Variants in ANKRD30B observed in about 807,000 individuals in gnomAD.
ANKRD30B encodes the protein ankyrin repeat domain-containing protein 30B.
In ANKRD30B, 144 loss-of-function variants were observed where a neutral mutation model predicts 202.2. The observed-to-expected ratio is 0.71, with a 90% confidence interval of 0.62 to 0.82. ANKRD30B has a LOEUF of 0.82. ANKRD30B is among the 40% of genes least tolerant of loss of function. The pLI is 0.00. For synonymous variants in ANKRD30B, 508 were observed against 561.3 expected, an observed-to-expected ratio of 0.91 and a Z score of 1.34; for missense variants, 1,487 against 1,669.1, an observed-to-expected ratio of 0.89 and a Z score of 1.90.
chr18:14,755,026 T>TA (rs1420297838), intron 4 of ANKRD30B, 21 bp downstream of exon 4: 1 of 1,346,728 alleles, frequency 7.4e-7, no homozygotes, highest in African/African-American at 1.5e-5. Flanking sequence ...TCTTTTTTTT[T>TA]ACTAAAAAAC....
At chr18:14,757,677 G>T in intron 4 of ANKRD30B, 138 bp from the exon 5 acceptor site, 2 of 907,028 alleles carry the variant, frequency 2.2e-6, no homozygotes, top group Non-Finnish European at 3.1e-6. Flanking sequence ...TTTTAGATTT[G>T]GTGGTGATTT....
chr18:14,837,043 A>G, intron 34 of ANKRD30B, 168 bp from the exon 35 acceptor site: 1 of 500,506 alleles, frequency 2.0e-6, no homozygotes, highest in East Asian at 3.1e-5. Context: ...TTCCATGTAT[A>G]TTTTCTGCTT....
chr18:14,755,356 G>A (rs1313947844), intron 4 of ANKRD30B, among the ~76,000 whole-genome samples: 2 of 151,608 alleles, frequency 1.3e-5, no homozygotes, highest in African/African-American at 4.9e-5. Flanking sequence ...CAGTTTTATA[G>A]TATTTTTCTA....
the ANKRD30B span, among the ~76,000 whole-genome samples, chr18:14,870,796 G>A: frequency 1.3e-5 from 2 of 152,068 alleles, no homozygotes; most frequent in Non-Finnish European, 2.9e-5. Flanking sequence ...CTAAGGCAGA[G>A]GTTTCCCTTG....
downstream of ANKRD30B, among the ~76,000 whole-genome samples, chr18:14,859,141 A>C (rs1461763335): frequency 1.4e-5 from 1 of 70,142 alleles, no homozygotes. Flanking sequence ...AGACGGGGAG[A>C]CCAGGAAGAG....
chr18:14,751,196 C>T (rs1913388749), intron 1 of ANKRD30B, among the ~76,000 whole-genome samples: 5 of 151,838 alleles, frequency 3.3e-5, no homozygotes, highest in Admixed American at 3.3e-4. Context: ...ATGTCAATAA[C>T]TATAGATTAA....
At chr18:14,924,392 C>T in the ANKRD30B span, among the ~76,000 whole-genome samples, 1 of 152,180 alleles carries the variant, frequency 6.6e-6, no homozygotes, top group Admixed American at 6.5e-5. Flanking sequence ...ACTTATGGGG[C>T]ATTTTTACAT....
chr18:14,894,467 T>C, the ANKRD30B span, among the ~76,000 whole-genome samples: 147,278 of 152,032 alleles, frequency 0.97, 71,527 homozygotes, highest in East Asian at 1. Flanking sequence ...TTCCTGAAAC[T>C]GTTAAAGCTT....
the ANKRD30B span, among the ~76,000 whole-genome samples, chr18:14,884,970 G>C: frequency 6.6e-6 from 1 of 152,036 alleles, no homozygotes; most frequent in Non-Finnish European, 1.5e-5. Flanking sequence ...TGCTCAAATA[G>C]TTACACATGA....
chr18:14,786,071 A>G (rs1011236685), intron 14 of ANKRD30B, among the ~76,000 whole-genome samples: 2 of 135,092 alleles, frequency 1.5e-5, no homozygotes, highest in African/African-American at 2.7e-5. Context: ...AAAAAAAAAA[A>G]CAGGTAGAGA....
chr18:14,874,681 C>T, the ANKRD30B span, among the ~76,000 whole-genome samples: 3 of 152,142 alleles, frequency 2.0e-5, no homozygotes, highest in African/African-American at 2.4e-5. Flanking sequence ...GCCACCCTCC[C>T]GAAGTTGTGG....
rs1247835835 is a variant in ANKRD30B, at chr18:14,808,725, C to A, written c.2367C>A (p.Asp789Glu). The A allele has an allele frequency of 1.3e-6, 2 of 1,498,462 alleles. No individual in the cohort carries two copies. 92.8% of individuals were successfully genotyped at this position (1,498,462 alleles called of 1,614,324 possible). Reference sequence around the variant, plus strand: ...CAAATAAAGCCTTAGAATTAAAGGACAGAGAAACACTCAAAGCAGGTAAAT... The same window carrying A: ...CAAATAAAGCCTTAGAATTAAAGGAAAGAGAAACACTCAAAGCAGGTAAAT... ...SLPNKALELK[D>E]RETLKAESPD... Residue 789 changes from aspartate to glutamate, a missense_variant, in exon 26 of 44, where the codon GAC (aspartate) becomes GAA (glutamate). By Grantham distance (45) the Asp-to-Glu change is conservative. Coordinates refer to ENST00000690538, the MANE Select transcript of ANKRD30B (RefSeq NM_001367607.2).
At chr18:14,791,874 G>C (rs184441094) in intron 16 of ANKRD30B, among the ~76,000 whole-genome samples, 5 of 152,276 alleles carry the variant, frequency 3.3e-5, no homozygotes, top group East Asian at 1.9e-4. Context: ...GGAAAAGATT[G>C]GGCATGGTTA....
At chr18:14,906,568 T>C in the ANKRD30B span, among the ~76,000 whole-genome samples, 2 of 152,352 alleles carry the variant, frequency 1.3e-5, no homozygotes, top group East Asian at 1.9e-4. Context: ...GTTTTATCTT[T>C]TGTGCATATA....
the ANKRD30B span, chr18:14,888,584 C>A: frequency 5.4e-6 from 2 of 367,710 alleles, no homozygotes; most frequent in African/African-American, 2.1e-5. Context: ...ATCAGTTTTT[C>A]AGTAGTTTTC....
chr18:14,751,478 T>A (rs1264326322), intron 1 of ANKRD30B, among the ~76,000 whole-genome samples: 1 of 152,040 alleles, frequency 6.6e-6, no homozygotes, highest in East Asian at 1.9e-4. Flanking sequence ...TCAATTAAGC[T>A]TTTCCTCTCA....
downstream of ANKRD30B, among the ~76,000 whole-genome samples, chr18:14,858,915 C>T (rs879868698): frequency 0.014 from 1,349 of 94,352 alleles, 4 homozygotes; most frequent in Non-Finnish European, 0.019. Context: ...CCAGACGGGG[C>T]GGCTGGGCAG....
chr18:14,799,379 T>C (rs1273223323), intron 22 of ANKRD30B, 84 bp downstream of exon 22: 22 of 1,270,446 alleles, frequency 1.7e-5, no homozygotes, highest in Non-Finnish European at 2.3e-5. Flanking sequence ...TTCCCAATGT[T>C]GTTTTCTTTT....
At chr18:14,934,799 C>T in the ANKRD30B span, among the ~76,000 whole-genome samples, 1 of 152,064 alleles carries the variant, frequency 6.6e-6, no homozygotes, top group African/African-American at 2.4e-5. Context: ...TCATGGGAGA[C>T]GCTGGCACAG....
Sources: allele counts gnomAD v4.1 joint callset (sites outside exome capture counted in the v4.1 genomes callset), GRCh38; gene constraint gnomAD v4.1.1; transcripts MANE v1.5; gene names NCBI Gene and HGNC (gene_info 2026-07-23, HGNC 2026-07-21).